KLHL14: variants seen among roughly 807,000 people sequenced by gnomAD.
KLHL14 encodes the protein kelch like family member 14, also known as kelch-like protein 14.
In KLHL14, 22 loss-of-function variants were observed where a neutral mutation model predicts 64.3. The ratio of observed to expected loss-of-function variants is 0.34; its 90% CI spans 0.24 to 0.49. The LOEUF (loss-of-function observed/expected upper bound fraction) is 0.49, where lower values mean the gene tolerates loss of function less well. Among genes scored for constraint, KLHL14 ranks in the 20% least tolerant of loss-of-function variants. The probability of loss-of-function intolerance (pLI) is 0.99; values close to 1 mark genes in which losing one functional copy is unlikely to be tolerated. For synonymous variants in KLHL14, 322 were observed against 333.4 expected, an observed-to-expected ratio of 0.97 and a Z score of 0.37; for missense variants, 661 against 789.0, an observed-to-expected ratio of 0.84 and a Z score of 1.94.
chr18:32,714,100 G>A (rs2050033264), intron 3 of KLHL14, among the ~76,000 whole-genome samples: 1 of 151,824 alleles, frequency 6.6e-6, no homozygotes, highest in South Asian at 2.1e-4. Context: ...CTAAATTTTA[G>A]TAAATTTACA....
chr18:32,764,485 T>G (rs2050330366), intron 2 of KLHL14, among the ~76,000 whole-genome samples: 1 of 147,434 alleles, frequency 6.8e-6, no homozygotes, highest in Non-Finnish European at 1.5e-5. Flanking sequence ...AAATTGTTTT[T>G]GTCCATTTTC....
chr18:32,769,866 G>C lies in KLHL14; in HGVS notation c.726C>G (p.Ser242=). Residue 242 remains serine, a synonymous_variant, in exon 2 of 9, where the codon TCC becomes TCG. Transcript: ENST00000359358. The part of the protein sequence containing the change: ...VESELALFQM[S]VLWLEHDRET... ...CGCGGTCGTGCTCCAGCCACAGCACGGACATCTGGAAGAGCGCCAGCTCCG... is the reference window on the plus strand; with the variant it reads ...CGCGGTCGTGCTCCAGCCACAGCACCGACATCTGGAAGAGCGCCAGCTCCG... The C allele has an allele frequency of 6.2e-7, 1 of 1,613,984 alleles. No individual in the cohort carries two copies. The highest frequency in any genetic ancestry group is 8.5e-7 in the Non-Finnish European group (1 of 1,180,032).
At chr18:32,732,658 T>C (rs1255387039) in intron 3 of KLHL14, among the ~76,000 whole-genome samples, 2 of 152,152 alleles carry the variant, frequency 1.3e-5, no homozygotes, top group African/African-American at 2.4e-5. Context: ...AGGACTAGAA[T>C]GAGAAGATGT....
chr18:32,696,970 GT>G (rs1298245043), intron 3 of KLHL14, among the ~76,000 whole-genome samples: 40 of 152,230 alleles, frequency 2.6e-4, no homozygotes, highest in African/African-American at 9.4e-4. Context: ...AATATGCATT[GT>G]TTTTGAACTT....
chr18:32,704,212 T>C (rs1335225011), intron 3 of KLHL14, among the ~76,000 whole-genome samples: 1 of 152,160 alleles, frequency 6.6e-6, no homozygotes, highest in Non-Finnish European at 1.5e-5. Context: ...GGCAACAGGA[T>C]AGCAAAAATG....
chr18:32,697,978 A>G (rs545216882), intron 3 of KLHL14, among the ~76,000 whole-genome samples: 1 of 152,282 alleles, frequency 6.6e-6, no homozygotes, highest in East Asian at 1.9e-4. Flanking sequence ...CTGAATTATT[A>G]CTGTGAATTG....
chr18:32,696,257 C>T (rs186969577), intron 3 of KLHL14, among the ~76,000 whole-genome samples: 1 of 152,128 alleles, frequency 6.6e-6, no homozygotes, highest in African/African-American at 2.4e-5. Context: ...CTTCTCTCTG[C>T]CCAAATGTGG....
intron 3 of KLHL14, among the ~76,000 whole-genome samples, chr18:32,710,164 C>T (rs1266884638): frequency 6.6e-6 from 1 of 152,166 alleles, no homozygotes; most frequent in Non-Finnish European, 1.5e-5. Context: ...AGCCTCATTA[C>T]AAACAAACTG....
chr18:32,744,023 C>A, intron 2 of KLHL14: 1 of 152,280 alleles, frequency 6.6e-6, no homozygotes, highest in Non-Finnish European at 1.5e-5. Context: ...TGTGACTGTC[C>A]TAACATCACT....
chr18:32,674,758 T>C lies in KLHL14; in HGVS notation c.1786A>G (p.Lys596Glu). The C allele has an allele frequency of 1.3e-6, 1 of 780,984 alleles. No individual in the cohort carries two copies. The highest frequency in any genetic ancestry group is 2.4e-6 in the Non-Finnish European group (1 of 418,060). The allele number at this position is 780,984 out of a possible 1,614,324, so 48.4% of individuals were successfully genotyped here. The part of the protein sequence containing the change: ...KSSTICYCPE[K>E]GTWTELEGDV... Reference sequence around the variant, plus strand: ...CCTTCGAGTTCTGTCCAGGTTCCTTTCTCTGGACAATAGCATATTGTAGAT... The same window carrying C: ...CCTTCGAGTTCTGTCCAGGTTCCTTCCTCTGGACAATAGCATATTGTAGAT... The change falls in exon 9 of 9, where the codon AAA becomes GAA. Residue 596 changes from lysine (K) to glutamate (E), a missense_variant. Coordinates refer to ENST00000359358, the MANE Select transcript of KLHL14 (RefSeq NM_020805.3).
intron 7 of KLHL14, among the ~76,000 whole-genome samples, chr18:32,678,526 T>C (rs1056221730): frequency 2.0e-5 from 3 of 152,168 alleles, no homozygotes; most frequent in African/African-American, 2.4e-5. Context: ...ATTAATATTA[T>C]TGATTATAAT....
intron 4 of KLHL14, among the ~76,000 whole-genome samples, chr18:32,690,683 C>T (rs936201282): frequency 2.6e-5 from 4 of 151,990 alleles, no homozygotes; most frequent in South Asian, 2.1e-4. Context: ...GAGCCAAGAT[C>T]GCACCACTGC....
At chr18:32,771,367 T>C (rs1319234547) in intron 1 of KLHL14, among the ~76,000 whole-genome samples, 1 of 152,006 alleles carries the variant, frequency 6.6e-6, no homozygotes, top group African/African-American at 2.4e-5. Context: ...GCGGGAGCTG[T>C]CCTTATCAAT....
In KLHL14 at chr18:32,750,894, T is replaced by C. The variant is rs778943657; in HGVS notation, c.948-8845A>G. On this transcript the variant is annotated intron_variant, in intron 2 of 8. Coordinates refer to ENST00000359358, the MANE Select transcript of KLHL14 (RefSeq NM_020805.3). ...GAATTTTAGCAAAGCCAAACATTAA[T>C]AACCAATTACATCAGTCCTCTTCTT... is the stretch of plus-strand genomic sequence containing the variant. Among the ~76,000 whole-genome samples, 13 of 152,334 alleles carry C rather than the reference T, an allele frequency of 8.5e-5. 1 individual carries two copies. The highest frequency in any genetic ancestry group is 1.0e-4 in the Non-Finnish European group (7 of 68,028).
intron 2 of KLHL14, among the ~76,000 whole-genome samples, chr18:32,761,841 T>G (rs1442884839): frequency 2.0e-5 from 3 of 152,190 alleles, no homozygotes; most frequent in Non-Finnish European, 4.4e-5. Context: ...TGATTAGTAG[T>G]AAATTGCAAT....
Position 32,770,323 on chromosome 18 carries a change from T to G in KLHL14, c.269A>C (p.Gln90Pro). The change falls in exon 2 of 9, where the codon CAG becomes CCG. Residue 90 changes from glutamine to proline, a missense_variant. Gln to Pro is a moderately conservative substitution (Grantham distance 76, BLOSUM62 -1). This residue lies in a region of KLHL14 where 331 missense variants were observed against 339.0 expected (regional missense o/e 0.98). Coordinates refer to ENST00000359358, the MANE Select transcript of KLHL14 (RefSeq NM_020805.3). The surrounding 1 kb of genome is among the most constrained non-coding windows in gnomAD (Gnocchi z 6.7). ...APKDQQQPPQ[Q>P]QPSQQQQPPP... is the part of the protein sequence containing the mutation. ...CGGCTGCTGCTGCTGTGACGGCTGC[T>G]GCTGCGGCGGCTGCTGCTGGTCCTT... 1 of 1,585,748 alleles carries G rather than the reference T, an allele frequency of 6.3e-7. No individual in the cohort carries two copies. The highest frequency in any genetic ancestry group is 8.6e-7 in the Non-Finnish European group (1 of 1,166,312).
At chr18:32,751,110 A>C (rs2050249003) in intron 2 of KLHL14, among the ~76,000 whole-genome samples, 1 of 152,188 alleles carries the variant, frequency 6.6e-6, no homozygotes, top group African/African-American at 2.4e-5. Context: ...AGGAAGTAAC[A>C]GAGGTAGATC....
intron 3 of KLHL14, among the ~76,000 whole-genome samples, chr18:32,731,222 G>T (rs2050135600): frequency 6.6e-6 from 1 of 152,200 alleles, no homozygotes; most frequent in Non-Finnish European, 1.5e-5. Flanking sequence ...GATTTGAAAA[G>T]AAACAGTTTA....
intron 3 of KLHL14, among the ~76,000 whole-genome samples, chr18:32,741,518 T>C (rs1361232040): frequency 6.6e-6 from 1 of 152,214 alleles, no homozygotes; most frequent in Non-Finnish European, 1.5e-5. Context: ...AAAAGCAACA[T>C]GAATGTTAGT....
Sources: allele counts gnomAD v4.1 joint callset (sites outside exome capture counted in the v4.1 genomes callset), GRCh38; gene constraint gnomAD v4.1.1; regional missense constraint gnomAD v4.1.1; non-coding constraint Gnocchi (gnomAD v3.1); transcripts MANE v1.5; gene names NCBI Gene and HGNC (gene_info 2026-07-23, HGNC 2026-07-21).